The following ATG7 variants were observed in gnomAD, a reference collection of about 807,000 sequenced individuals.
ATG7 encodes the protein ubiquitin-like modifier-activating enzyme ATG7.
A neutral mutation model predicts 82.4 loss-of-function variants in ATG7; 70 were observed. That is an observed-to-expected ratio of 0.85 (90% CI 0.70 to 1.04). The LOEUF (loss-of-function observed/expected upper bound fraction) is 1.04. Among genes scored for constraint, ATG7 ranks in the 50% least tolerant of loss-of-function variants. ATG7 has a pLI of 0.00. For synonymous variants in ATG7, 287 were observed against 313.0 expected (o/e 0.92, Z 0.88); for missense variants, 792 against 864.3 (o/e 0.92, Z 1.05).
At chr3:11,357,535 G>A (rs1366249450) in intron 14 of ATG7, among the ~76,000 whole-genome samples, 1 of 151,966 alleles carries the variant, frequency 6.6e-6, no homozygotes, top group African/African-American at 2.4e-5. Context: ...TTGTATTTGA[G>A]GTTTTTTAAA....
intron 18 of ATG7, among the ~76,000 whole-genome samples, chr3:11,368,151 C>T (rs2076748626): frequency 7.3e-6 from 1 of 136,812 alleles, no homozygotes; most frequent in Admixed American, 8.1e-5. Flanking sequence ...AATCTGTTGT[C>T]TTTTGTAGAG....
chr3:11,490,815 C>G (rs2090268419), intron 20 of ATG7, among the ~76,000 whole-genome samples: 1 of 152,186 alleles, frequency 6.6e-6, no homozygotes, highest in Non-Finnish European at 1.5e-5. Flanking sequence ...TCTCTTCTGG[C>G]TTGTAGAGTT....
chr3:11,282,784 A>C (rs1943282799), intron 3 of ATG7, among the ~76,000 whole-genome samples: 1 of 152,190 alleles, frequency 6.6e-6, no homozygotes, highest in Non-Finnish European at 1.5e-5. Flanking sequence ...TCTGAAACTC[A>C]TGAGGTTGCA....
At chr3:11,516,619 G>C (rs758600687) in intron 20 of ATG7, among the ~76,000 whole-genome samples, 3 of 152,194 alleles carry the variant, frequency 2.0e-5, no homozygotes, top group African/African-American at 4.8e-5. Flanking sequence ...ACCTGCACTT[G>C]ATGGTTATAG....
chr3:11,274,073 C>T (rs997331560), intron 1 of ATG7, among the ~76,000 whole-genome samples: 1 of 152,150 alleles, frequency 6.6e-6, no homozygotes, highest in African/African-American at 2.4e-5. Flanking sequence ...CCTTCCTCTT[C>T]CATTTATCTT....
At chr3:11,574,785 A>ATATATGTG in the ATG7 span, among the ~76,000 whole-genome samples, 2 of 121,700 alleles carry the variant, frequency 1.6e-5, no homozygotes, top group Non-Finnish European at 3.3e-5. Flanking sequence ...TCAACTATAT[A>ATATATGTG]TGTGTGTGTG....
intron 20 of ATG7, among the ~76,000 whole-genome samples, chr3:11,538,617 C>T (rs1245623058): frequency 7.4e-6 from 1 of 135,300 alleles, no homozygotes; most frequent in African/African-American, 2.8e-5. Flanking sequence ...CCAAGGCAGG[C>T]AGGTTGCTGA....
chr3:11,474,058 T>C (rs1260961253), intron 20 of ATG7, among the ~76,000 whole-genome samples: 1 of 152,194 alleles, frequency 6.6e-6, no homozygotes, highest in Non-Finnish European at 1.5e-5. Context: ...TGCCACTTAG[T>C]TGAGTTCAGT....
chr3:11,429,040 TC>T (rs1259058918), intron 20 of ATG7, among the ~76,000 whole-genome samples: 4 of 152,252 alleles, frequency 2.6e-5, no homozygotes, highest in Non-Finnish European at 5.9e-5. Context: ...TTTTGAATTT[TC>T]CTCTACTAAA....
chr3:11,379,968 T>C lies in ATG7; in HGVS notation c.1876-4T>C. On this transcript the variant is annotated splice_region_variant and splice_polypyrimidine_tract_variant and intron_variant, in intron 18 of 20. Transcript: ENST00000693202. ...GTGAATTGTTTTGTTTTGTTTGTTT[T>C]TAGATCCGGGGATTTCTTTCACGGT... 1 of 1,614,094 alleles carries C rather than the reference T, an allele frequency of 6.2e-7. No homozygotes were observed.
At chr3:11,536,856 G>A (rs1359682659) in intron 20 of ATG7, among the ~76,000 whole-genome samples, 1 of 152,112 alleles carries the variant, frequency 6.6e-6, no homozygotes, top group Non-Finnish European at 1.5e-5. Context: ...ACTTAATGTT[G>A]TGCAAGATCA....
At chr3:11,474,142 C>T (rs1010316220) in intron 20 of ATG7, among the ~76,000 whole-genome samples, 1 of 152,186 alleles carries the variant, frequency 6.6e-6, no homozygotes, top group African/African-American at 2.4e-5. Context: ...CTGGGGGATA[C>T]GACATATTCA....
At chr3:11,533,527 TCCC>T (rs2092731071) in intron 20 of ATG7, among the ~76,000 whole-genome samples, 1 of 101,574 alleles carries the variant, frequency 9.8e-6, no homozygotes, top group South Asian at 3.9e-4. Context: ...CAGAGAAAAA[TCCC>T]CCTTCTGTTA....
chr3:11,348,124 G>A, intron 14 of ATG7, 89 bp downstream of exon 14: 1 of 1,474,318 alleles, frequency 6.8e-7, no homozygotes, highest in Non-Finnish European at 9.1e-7. Context: ...AAGAAAGAGA[G>A]TCAGATATCT....
At chr3:11,514,101 G>A (rs944700707) in intron 20 of ATG7, among the ~76,000 whole-genome samples, 1 of 152,106 alleles carries the variant, frequency 6.6e-6, no homozygotes, top group Non-Finnish European at 1.5e-5. Context: ...ACACATGACT[G>A]TCTCATCTAA....
intron 20 of ATG7, among the ~76,000 whole-genome samples, chr3:11,448,759 G>A (rs1257000488): frequency 6.6e-6 from 1 of 152,184 alleles, no homozygotes; most frequent in Non-Finnish European, 1.5e-5. Context: ...GGCAACAGAG[G>A]CATCAGTAAA....
In ATG7 at chr3:11,511,141, A is replaced by G. The variant is rs187548723; in HGVS notation, c.2080-43670A>G. ...AGTAGCAAGATTTATTGCAAAGAGC[A>G]AAAGAACAAAGCTTCCACAGCGTGG... On this transcript the variant is annotated intron_variant, in intron 20 of 20. Transcript: ENST00000693202. Among the ~76,000 whole-genome samples, 1,123 of 152,252 alleles carry G rather than the reference A, an allele frequency of 7.4e-3. 14 individuals are homozygous for G. Among genetic ancestry groups the G allele is most frequent in the African/African-American group, 0.026 (1,073 of 41,526 alleles).
chr3:11,318,753 G>A (rs933037305), intron 9 of ATG7, among the ~76,000 whole-genome samples: 1 of 152,076 alleles, frequency 6.6e-6, no homozygotes, highest in African/African-American at 2.4e-5. Context: ...CTGTGCTCTG[G>A]CTACCCCTGT....
At chr3:11,442,633 G>T (rs1456272495) in intron 20 of ATG7, among the ~76,000 whole-genome samples, 1 of 146,268 alleles carries the variant, frequency 6.8e-6, no homozygotes, top group Non-Finnish European at 1.5e-5. Context: ...AGGTGCGTGG[G>T]ATTACATGCC....
Sources: allele counts gnomAD v4.1 joint callset (sites outside exome capture counted in the v4.1 genomes callset), GRCh38; gene constraint gnomAD v4.1.1; transcripts MANE v1.5; gene names NCBI Gene and HGNC (gene_info 2026-07-23, HGNC 2026-07-21).